The following PCDH11X variants were observed in gnomAD, a reference collection of about 807,000 sequenced individuals.
PCDH11X encodes the protein protocadherin-11 X-linked.
In PCDH11X, 18 loss-of-function variants were observed where a neutral mutation model predicts 53.3. The observed-to-expected ratio is 0.34, with a 90% confidence interval of 0.23 to 0.50. The LOEUF (loss-of-function observed/expected upper bound fraction) is 0.50, where lower values mean the gene tolerates loss of function less well. PCDH11X is among the 20% of genes least tolerant of loss of function. The pLI is 0.98. For missense variants in PCDH11X, 570 were observed against 1,032.4 expected, an observed-to-expected ratio of 0.55 and a Z score of 6.14; for synonymous variants, 279 against 393.3, an observed-to-expected ratio of 0.71 and a Z score of 3.44.
At chrX:92,277,540 G>T (rs1306307599) in intron 8 of PCDH11X, among the ~76,000 whole-genome samples, 2 of 108,327 alleles carry the variant, frequency 1.8e-5, no homozygotes, top group Non-Finnish European at 3.8e-5. Flanking sequence ...AGAGGAAAGA[G>T]AGAGTAGAGA....
intron 8 of PCDH11X, among the ~76,000 whole-genome samples, chrX:92,342,282 TCAAA>T (rs955945548): frequency 1.1e-4 from 12 of 110,264 alleles, no homozygotes; most frequent in South Asian, 3.9e-4. Flanking sequence ...TCAAGGATTA[TCAAA>T]CAAACAAACA....
chrX:92,149,147 G>C (rs1197180943), intron 6 of PCDH11X, among the ~76,000 whole-genome samples: 1 of 110,515 alleles, frequency 9.0e-6, no homozygotes, highest in Non-Finnish European at 1.9e-5. Context: ...AAAGTTGCCT[G>C]ACAAAGCAGA....
chrX:91,794,053 A>T (rs1327515940), intron 1 of PCDH11X, among the ~76,000 whole-genome samples: 2 of 112,124 alleles, frequency 1.8e-5, no homozygotes, highest in Non-Finnish European at 3.8e-5. Flanking sequence ...TTAAAAATAT[A>T]AATGATGACA....
intron 5 of PCDH11X, among the ~76,000 whole-genome samples, chrX:91,853,395 GAA>G (rs2037796745): frequency 9.2e-6 from 1 of 108,281 alleles, no homozygotes; most frequent in Non-Finnish European, 1.9e-5. Context: ...AATCAAATAT[GAA>G]TGTTTTGCCA....
chrX:92,246,246 G>A (rs974729485), intron 7 of PCDH11X, among the ~76,000 whole-genome samples: 2 of 111,200 alleles, frequency 1.8e-5, no homozygotes, highest in Non-Finnish European at 3.8e-5. Context: ...TAGGCGTTGG[G>A]GCATATTGGA....
chrX:91,972,068 T>C (rs773583614), intron 6 of PCDH11X, among the ~76,000 whole-genome samples: 3 of 109,336 alleles, frequency 2.7e-5, no homozygotes, highest in South Asian at 8.0e-4. Context: ...CCACCAACAG[T>C]GTAAAAGTGT....
At chrX:92,334,810 GTTTTC>G (rs995035365) in intron 8 of PCDH11X, among the ~76,000 whole-genome samples, 8 of 110,943 alleles carry the variant, frequency 7.2e-5, no homozygotes, top group Non-Finnish European at 1.5e-4. Context: ...TCTTAATAAG[GTTTTC>G]TTTTCTCTAG....
chrX:92,335,469 G>A (rs1020818265), intron 8 of PCDH11X, among the ~76,000 whole-genome samples: 2 of 108,341 alleles, frequency 1.8e-5, no homozygotes, highest in African/African-American at 6.7e-5. Context: ...AAATCAAGGC[G>A]TTTGAAGGAA....
chrX:92,511,525 A>G (rs1253461836), intron 10 of PCDH11X, among the ~76,000 whole-genome samples: 1 of 111,971 alleles, frequency 8.9e-6, no homozygotes, highest in Admixed American at 9.5e-5. Context: ...TTTTTTAAAC[A>G]CTAAGTGCCA....
intron 6 of PCDH11X, among the ~76,000 whole-genome samples, chrX:91,974,074 A>T (rs1217042918): frequency 6.3e-5 from 7 of 111,397 alleles, no homozygotes; most frequent in African/African-American, 1.3e-4. Flanking sequence ...CTGGAAAAAA[A>T]TTTTTTTTAT....
At chrX:92,148,039 TCCC>T (rs2065330939) in intron 6 of PCDH11X, among the ~76,000 whole-genome samples, 1 of 63,541 alleles carries the variant, frequency 1.6e-5, no homozygotes, top group African/African-American at 1.0e-4. Context: ...TTTCCTTCTT[TCCC>T]TTCCTTCCTT....
intron 1 of PCDH11X, among the ~76,000 whole-genome samples, chrX:91,785,673 A>G (rs1935314315): frequency 9.0e-6 from 1 of 110,865 alleles, no homozygotes; most frequent in Admixed American, 9.5e-5. Flanking sequence ...GCAGAGTTCT[A>G]TTATTTGAAG....
chrX:92,336,555 AAGAAT>A (rs1430203080), intron 8 of PCDH11X, among the ~76,000 whole-genome samples: 2 of 111,895 alleles, frequency 1.8e-5, no homozygotes, highest in Non-Finnish European at 3.8e-5. Flanking sequence ...CATTAAATTC[AAGAAT>A]ATATATATTT....
At position 92,575,940 on chromosome X, in the gene PCDH11X, TATATAC is replaced by T. The variant is rs1335156103; in HGVS notation, c.3368-42322_3368-42317del. Among the ~76,000 whole-genome samples, 20 of 26,543 alleles carry T rather than the reference TATATAC, an allele frequency of 7.5e-4. 1 individual carries two copies. Among genetic ancestry groups the T allele is most frequent in the Middle Eastern group, 0.021 (1 of 48 alleles). 23.0% of individuals were successfully genotyped at this position (26,543 alleles called of 115,157 possible). ...ATATATATATATATATATATATATA[TATATAC>T]ACACACACACACACACACACACACC... On this transcript the variant is annotated intron_variant, in intron 10 of 10. Coordinates refer to ENST00000682573, the MANE Select transcript of PCDH11X (RefSeq NM_032968.5).
chrX:92,491,179 T>G (rs760348401), intron 10 of PCDH11X, among the ~76,000 whole-genome samples: 3 of 110,759 alleles, frequency 2.7e-5, no homozygotes, highest in Non-Finnish European at 5.7e-5. Context: ...AGAATCGTAG[T>G]TCAAATTTCA....
At chrX:92,108,006 T>C (rs2064423202) in intron 6 of PCDH11X, among the ~76,000 whole-genome samples, 1 of 111,943 alleles carries the variant, frequency 8.9e-6, no homozygotes, top group African/African-American at 3.2e-5. Flanking sequence ...AAAGAAAAAA[T>C]ATAGTTCTGA....
Position 92,619,518 on chromosome X carries a change from T to C in PCDH11X, c.*578T>C, listed in dbSNP as rs1224026991. 8.7e-6 allele frequency: 1 copy of C among 114,507 alleles called. No individual in the cohort carries two copies. The highest frequency in any genetic ancestry group is 1.7e-5 in the Non-Finnish European group (1 of 57,722). 9.4% of individuals were successfully genotyped at this position (114,507 alleles called of 1,213,427 possible). A position where few individuals can be genotyped will look rare whatever the true frequency, so the allele number is the denominator to read the frequency against. On this transcript the variant is annotated 3_prime_UTR_variant, in exon 11 of 11. Coordinates refer to ENST00000682573, the MANE Select transcript of PCDH11X (RefSeq NM_032968.5). Reference sequence around the variant, plus strand: ...ACTGCTTGTTTGTGTCTCTCTGCTGTCATGTTTTCTACCTTATTCCAATAC... The same window carrying C: ...ACTGCTTGTTTGTGTCTCTCTGCTGCCATGTTTTCTACCTTATTCCAATAC...
intron 6 of PCDH11X, among the ~76,000 whole-genome samples, chrX:91,913,068 A>C (rs1392423475): frequency 9.0e-6 from 1 of 111,379 alleles, no homozygotes; most frequent in Non-Finnish European, 1.9e-5. Flanking sequence ...CCTCTAACCT[A>C]GAAAGGCCAT....
Position 91,809,458 on chromosome X carries a change from A to T in PCDH11X, c.-378-8A>T, listed in dbSNP as rs1249346433. 1.8e-4 allele frequency among the ~76,000 whole-genome samples: 20 copies of T among 109,680 alleles called. No homozygotes were observed. Among genetic ancestry groups the T allele is most frequent in the Non-Finnish European group, 1.9e-5 (1 of 52,707 alleles). On this transcript the variant is annotated splice_region_variant and splice_polypyrimidine_tract_variant and intron_variant, in intron 1 of 10. Coordinates refer to ENST00000682573, the MANE Select transcript of PCDH11X (RefSeq NM_032968.5). ...ACTACATAAACTTAACATGTGCTTT[A>T]TACACAGAGGGTGCTTAAAAAGTAC... is the stretch of plus-strand genomic sequence containing the variant.
Sources: gnomAD v4.1 joint callset for allele counts (sites outside exome capture counted in the v4.1 genomes callset) on GRCh38, gnomAD v4.1.1 for gene constraint, MANE v1.5 for transcripts, NCBI Gene and HGNC (gene_info 2026-07-23, HGNC 2026-07-21) for gene names.